The following BLTP1 variants were observed in gnomAD, a reference collection of about 807,000 sequenced individuals.
BLTP1 encodes fragile site-associated protein.
At chr4:122,347,400 T>G in the BLTP1 span, 10 of 1,357,130 alleles carry the variant, frequency 7.4e-6, no homozygotes, top group Non-Finnish European at 9.9e-6. Context: ...AGCTGCTAAA[T>G]AGAGAACTAG....
At chr4:122,202,567 C>T in the BLTP1 span, 1 of 966,186 alleles carries the variant, frequency 1.0e-6, no homozygotes, top group African/African-American at 1.8e-5. Context: ...TTTTGCTTCT[C>T]ACTTAAGATT....
chr4:122,257,453 A>G, the BLTP1 span: 1 of 1,614,076 alleles, frequency 6.2e-7, no homozygotes, highest in Non-Finnish European at 8.5e-7. Flanking sequence ...TGGTCTTCAA[A>G]GTGATACCAG....
chr4:122,175,782 G>T, the BLTP1 span: 1 of 1,086,440 alleles, frequency 9.2e-7, no homozygotes, highest in Middle Eastern at 2.1e-4. Flanking sequence ...GCTTCCTTTT[G>T]GAATAACTAA....
the BLTP1 span, among the ~76,000 whole-genome samples, chr4:122,275,027 G>A: frequency 6.6e-6 from 1 of 152,040 alleles, no homozygotes; most frequent in Admixed American, 6.6e-5. Flanking sequence ...GACTGTCTGA[G>A]GTTCGGTTTG....
At chr4:122,300,678 T>C in the BLTP1 span, among the ~76,000 whole-genome samples, 1 of 152,228 alleles carries the variant, frequency 6.6e-6, no homozygotes, top group Non-Finnish European at 1.5e-5. Context: ...ATTTGGTTCT[T>C]AGTTATTTTG....
chr4:122,349,322 T>TG, the BLTP1 span: 1 of 1,609,588 alleles, frequency 6.2e-7, no homozygotes. This position sits in a 1 kb window ranked among gnomAD's most constrained non-coding sequence, Gnocchi z 4.5. Context: ...GTTGGTATGT[T>TG]GAAATTTTAA....
chr4:122,327,012 T>G, the BLTP1 span, among the ~76,000 whole-genome samples: 5 of 151,812 alleles, frequency 3.3e-5, no homozygotes, highest in Admixed American at 3.3e-4. Flanking sequence ...TAAATTACCT[T>G]GCACATTAAA....
the BLTP1 span, among the ~76,000 whole-genome samples, chr4:122,358,927 T>G: frequency 6.6e-6 from 1 of 152,132 alleles, no homozygotes; most frequent in Admixed American, 6.6e-5. Context: ...GACTTGTCTT[T>G]ATAAAGAGTG....
chr4:122,217,742 G>T, the BLTP1 span, among the ~76,000 whole-genome samples: 1 of 152,036 alleles, frequency 6.6e-6, no homozygotes, highest in Non-Finnish European at 1.5e-5. Flanking sequence ...AATGATTTAG[G>T]GAGGACTCCC....
chr4:122,244,635 G>A, the BLTP1 span: 1 of 983,338 alleles, frequency 1.0e-6, no homozygotes, highest in African/African-American at 1.8e-5. Context: ...GAAGAGAAAA[G>A]GGGTTCGGTG....
the BLTP1 span, chr4:122,193,539 T>C: frequency 2.0e-5 from 8 of 402,792 alleles, no homozygotes; most frequent in African/African-American, 1.7e-4. Flanking sequence ...ATTTTTAATA[T>C]ATTATGAACA....
the BLTP1 span, among the ~76,000 whole-genome samples, chr4:122,341,268 A>C: frequency 6.6e-6 from 1 of 152,082 alleles, no homozygotes; most frequent in South Asian, 2.1e-4. Flanking sequence ...AGATTTCTAC[A>C]CTCTCATCAC....
At chr4:122,303,227 T>A in the BLTP1 span, among the ~76,000 whole-genome samples, 2 of 152,224 alleles carry the variant, frequency 1.3e-5, no homozygotes, top group Non-Finnish European at 2.9e-5. Context: ...TCTCTGCCTA[T>A]GCTCTATCAG....
chr4:122,244,573 CAT>C, the BLTP1 span: 17 of 733,590 alleles, frequency 2.3e-5, no homozygotes, highest in African/African-American at 2.1e-4. Flanking sequence ...ATAAAACTAA[CAT>C]GAATAAAAAT....
At chr4:122,170,452 A>C in the BLTP1 span, 1 of 959,916 alleles carries the variant, frequency 1.0e-6, no homozygotes, top group Non-Finnish European at 1.2e-6. Flanking sequence ...TTTTAGTAGA[A>C]ATGTGGGCAT....
chr4:122,292,774 G>A, the BLTP1 span: 1 of 199,186 alleles, frequency 5.0e-6, no homozygotes, highest in Non-Finnish European at 9.0e-6. Flanking sequence ...AAATCTACAG[G>A]TCCAAATGAG....
the BLTP1 span, chr4:122,281,796 A>G: frequency 4.1e-4 from 605 of 1,484,070 alleles, no homozygotes; most frequent in Non-Finnish European, 5.2e-4. Context: ...TTCTGAATTC[A>G]CTCTCTTAAA....
At chr4:122,260,934 C>T in the BLTP1 span, among the ~76,000 whole-genome samples, 70 of 152,094 alleles carry the variant, frequency 4.6e-4, no homozygotes, top group African/African-American at 1.6e-3. Flanking sequence ...CACCGAAGTA[C>T]ACTGATAAAG....
At chr4:122,243,833 T>G in the BLTP1 span, 1 of 1,457,422 alleles carries the variant, frequency 6.9e-7, no homozygotes, top group Non-Finnish European at 9.1e-7. Flanking sequence ...TAATATACAA[T>G]TTGCTTGTTA....
Sources: allele counts gnomAD v4.1 joint callset (sites outside exome capture counted in the v4.1 genomes callset), GRCh38; gene constraint gnomAD v4.1.1; non-coding constraint Gnocchi (gnomAD v3.1); transcripts MANE v1.5; gene names NCBI Gene and HGNC (gene_info 2026-07-23, HGNC 2026-07-21).